EPX: variants seen among roughly 807,000 people sequenced by gnomAD.
EPX encodes eosinophil peroxidase.
A neutral mutation model predicts 73.0 loss-of-function variants in EPX; 60 were observed. The ratio of observed to expected loss-of-function variants is 0.82; its 90% CI spans 0.67 to 1.02. The LOEUF is 1.02. Among genes scored for constraint, EPX ranks in the 50% least tolerant of loss-of-function variants. The pLI is 0.00. For synonymous variants in EPX, 347 were observed against 389.2 expected, an observed-to-expected ratio of 0.89 and a Z score of 1.28; for missense variants, 950 against 973.9, an observed-to-expected ratio of 0.98 and a Z score of 0.33.
intron 10 of EPX, among the ~76,000 whole-genome samples, chr17:58,200,646 G>C (rs765287602): frequency 7.2e-5 from 11 of 152,100 alleles, no homozygotes; most frequent in Non-Finnish European, 1.5e-4. Flanking sequence ...TTAGGCTCAG[G>C]AGCTGAAAAA....
rs756362103 is a variant in EPX at position 58,197,047 on chromosome 17, G to A, written c.910G>A (p.Ala304Thr). Residue 304 changes from alanine to threonine, a missense_variant, in exon 7 of 13, where the codon GCG becomes ACG. Physicochemically the swap from Ala to Thr is moderately conservative, Grantham distance 58. Transcript: ENST00000225371. The part of the protein sequence containing the change: ...NKNRVRNQIN[A>T]LTSFVDASMV... ...GAACAGAGTCCGCAACCAGATCAAC[G>A]CGCTCACCTCCTTTGTGGACGCCAG... 11 of 1,614,008 alleles carry A rather than the reference G, an allele frequency of 6.8e-6. No homozygotes were observed. The highest frequency in any genetic ancestry group is 6.7e-5 in the African/African-American group (5 of 74,888).
intron 5 of EPX, 112 bp downstream of exon 5, chr17:58,194,204 G>A (rs1223021511): frequency 1.8e-6 from 2 of 1,098,800 alleles, no homozygotes; most frequent in African/African-American, 3.1e-5. Context: ...CCACTGACCA[G>A]TGCAGTGACT....
intron 3 of EPX, 78 bp from the exon 4 acceptor site, chr17:58,193,636 G>C: frequency 6.4e-7 from 1 of 1,558,012 alleles, no homozygotes; most frequent in South Asian, 1.1e-5. Flanking sequence ...CAGGTTTGGG[G>C]TGCTGGGAGG....
Position 58,195,157 on chromosome 17 carries a change from G to T in EPX, c.788G>T (p.Cys263Phe). The change falls in exon 6 of 13, where the codon TGC becomes TTC. Residue 263 changes from cysteine to phenylalanine, a missense_variant. Coordinates refer to ENST00000225371, the MANE Select transcript of EPX (RefSeq NM_000502.6). ...AGGACCTGCGCCCAGCTGCCCCCCTGCTTTCCCATCAAGGTACCTACCCTC... is the reference window on the plus strand; with the variant it reads ...AGGACCTGCGCCCAGCTGCCCCCCTTCTTTCCCATCAAGGTACCTACCCTC... ...CERTCAQLPP[C>F]FPIKIPPNDP... The T allele has an allele frequency of 1.2e-6, 2 of 1,613,746 alleles. No homozygotes were observed. The highest frequency in any genetic ancestry group is 1.7e-6 in the Non-Finnish European group (2 of 1,179,816).
chr17:58,193,591 A>G (rs1421111235), intron 3 of EPX, 45 bp downstream of exon 3: 1 of 1,602,500 alleles, frequency 6.2e-7, no homozygotes, highest in Non-Finnish European at 8.5e-7. Flanking sequence ...CCTGGCCTGG[A>G]GTAGAAGGAA....
intron 5 of EPX, among the ~76,000 whole-genome samples, chr17:58,194,462 ATCAAC>A (rs1247393918): frequency 1.3e-5 from 2 of 152,196 alleles, no homozygotes; most frequent in Non-Finnish European, 2.9e-5. Context: ...TTTCACATTT[ATCAAC>A]TCATCAGTTT....
chr17:58,194,516 A>G lies in EPX; in HGVS notation c.594+424A>G, dbSNP rs1261322294. Among the ~76,000 whole-genome samples, 3 of 152,196 alleles carry G rather than the reference A, an allele frequency of 2.0e-5. No homozygotes were observed. In the East Asian group the frequency reaches 5.8e-4, roughly 29 times the overall value. On this transcript the variant is annotated intron_variant, in intron 5 of 12. Coordinates refer to ENST00000225371, the MANE Select transcript of EPX (RefSeq NM_000502.6). ...CGATAGAGCAGTCTATCATCTACCC[A>G]TCTATCAACATCTATTAATTAATTT...
In EPX at chr17:58,195,535, T is replaced by C. The variant is rs34898935; in HGVS notation, c.801+365T>C. ...CCTTCCCAGAGTAGTCCAAGGGTCC[T>C]GCGGCTCTTGCCAGCTTCTTGGGCT... On this transcript the variant is annotated intron_variant, in intron 6 of 12. Transcript: ENST00000225371. Among the ~76,000 whole-genome samples the C allele has an allele frequency of 4.8e-3, 733 of 152,322 alleles. 4 individuals are homozygous for C. Among genetic ancestry groups the C allele is most frequent in the South Asian group, 8.1e-3 (39 of 4,828 alleles).
At chr17:58,195,611 G>A (rs1043096157) in intron 6 of EPX, among the ~76,000 whole-genome samples, 1 of 152,182 alleles carries the variant, frequency 6.6e-6, no homozygotes, top group Non-Finnish European at 1.5e-5. Flanking sequence ...AGGACAGTGT[G>A]GGGCACTAGG....
rs1046931391 is a variant in EPX at position 58,193,145 on chromosome 17, T to G, written c.170+14T>G. ...GACCCAGAAGAGGTGGACTTGGGTC[T>G]GGGGGCTGCATGGGCCTGGGAGGAT... On this transcript the variant is annotated intron_variant, in intron 2 of 12. Transcript: ENST00000225371. 2.5e-6 allele frequency: 4 copies of G among 1,577,350 alleles called. No homozygotes were observed. The highest frequency in any genetic ancestry group is 2.2e-5 in the South Asian group (2 of 90,350).
Position 58,199,069 on chromosome 17 carries a change from C to A in EPX, c.1150C>A (p.Leu384Met). ...GDTRSTETPK[L>M]AAMHTLFMRE... is the part of the protein sequence containing the mutation. The stretch of plus-strand genomic sequence containing the variant: ...CACCCGATCAACGGAAACCCCCAAA[C>A]TGGCAGCCATGCACACCCTCTTTAT... The change falls in exon 8 of 13, where the codon CTG becomes ATG. Residue 384 changes from leucine (L) to methionine (M), a missense_variant. Coordinates refer to ENST00000225371, the MANE Select transcript of EPX (RefSeq NM_000502.6). 6.2e-7 allele frequency: 1 copy of A among 1,614,068 alleles called. No homozygotes were observed. Among genetic ancestry groups the A allele is most frequent in the Non-Finnish European group, 8.5e-7 (1 of 1,180,016 alleles).
intron 7 of EPX, among the ~76,000 whole-genome samples, chr17:58,198,550 C>T (rs191658641): frequency 6.6e-6 from 1 of 152,282 alleles, no homozygotes; most frequent in East Asian, 1.9e-4. Flanking sequence ...CAGTCTCTGC[C>T]CAACCCTCCC....
intron 10 of EPX, 176 bp from the exon 11 acceptor site, chr17:58,202,905 A>T: frequency 1.5e-6 from 1 of 655,220 alleles, no homozygotes; most frequent in Non-Finnish European, 2.8e-6. Context: ...TCACATTTTC[A>T]ATCAGAGGAC....
At chr17:58,203,470 G>A (rs1968370359) in intron 11 of EPX, 152 bp downstream of exon 11, 2 of 720,982 alleles carry the variant, frequency 2.8e-6, no homozygotes, top group Non-Finnish European at 4.9e-6. Flanking sequence ...TCTCTGAAAA[G>A]CTGGGTCAAA....
chr17:58,201,197 C>T (rs1968337096), intron 10 of EPX, among the ~76,000 whole-genome samples: 3 of 152,214 alleles, frequency 2.0e-5, no homozygotes, highest in Non-Finnish European at 4.4e-5. Flanking sequence ...GGCCCATCTG[C>T]CCATGTATGA....
chr17:58,198,216 G>C (rs748105325), intron 7 of EPX, among the ~76,000 whole-genome samples: 1 of 152,114 alleles, frequency 6.6e-6, no homozygotes, highest in Non-Finnish European at 1.5e-5. Flanking sequence ...CTCATTTTAC[G>C]ATAAGAAACT....
At chr17:58,197,317 G>A (rs1968273287) in intron 7 of EPX, 60 bp downstream of exon 7, 1 of 1,588,070 alleles carries the variant, frequency 6.3e-7, no homozygotes, top group South Asian at 1.1e-5. Flanking sequence ...GGTCCCAACT[G>A]GGAAGCAATG....
In EPX at chr17:58,194,093, G is replaced by A. The variant is rs778778855; in HGVS notation, c.594+1G>A. The A allele has an allele frequency of 3.7e-6, 6 of 1,613,064 alleles. No individual in the cohort carries two copies. Among genetic ancestry groups the A allele is most frequent in the Non-Finnish European group, 5.1e-6 (6 of 1,180,002 alleles). ...GCGCAATGGCTTCCTTCTCCCTCTT[G>A]TGAGTTGGGGCTGAGGGTTTGGGAG... On this transcript the variant is annotated splice_donor_variant, in intron 5 of 12. Coordinates refer to ENST00000225371, the MANE Select transcript of EPX (RefSeq NM_000502.6). LOFTEE classifies it high-confidence loss of function.
chr17:58,193,378 C>G lies in EPX; in HGVS notation c.178C>G (p.Gln60Glu), dbSNP rs140882323. Residue 60 changes from glutamine to glutamate, a missense_variant, in exon 3 of 13, where the codon CAG (glutamine) becomes GAG (glutamate). Physicochemically the swap from Gln to Glu is conservative, Grantham distance 29 (BLOSUM62 2). Coordinates refer to ENST00000225371, the MANE Select transcript of EPX (RefSeq NM_000502.6). ...AYNWTQKSIK[Q>E]RLRSGSASPM... is the part of the protein sequence containing the mutation. ...TCCTCCTCTCCTGGGCAGCATCAAG[C>G]AGCGGCTTCGCAGCGGTTCAGCCAG... is the stretch of plus-strand genomic sequence containing the variant. 340 of 1,614,206 alleles carry G rather than the reference C, an allele frequency of 2.1e-4. 1 individual carries two copies. In the African/African-American group the frequency reaches 4.4e-3, roughly 21 times the overall value.
Sources: allele counts gnomAD v4.1 joint callset (sites outside exome capture counted in the v4.1 genomes callset), GRCh38; gene constraint gnomAD v4.1.1; transcripts MANE v1.5; gene names NCBI Gene and HGNC (gene_info 2026-07-23, HGNC 2026-07-21).